Variants in NRXN3 observed in about 807,000 individuals in gnomAD.
The protein encoded by NRXN3 is neurexin 3.
A neutral mutation model predicts 137.6 loss-of-function variants in NRXN3; 32 were observed. The observed-to-expected ratio is 0.23, with a 90% CI of 0.18 to 0.31. NRXN3 has a LOEUF of 0.31. Ranked by LOEUF, NRXN3 falls within the 10% of genes least tolerant of loss-of-function variation. The pLI is 1.00. For synonymous variants in NRXN3, 798 were observed against 784.5 expected (o/e 1.02, Z -0.29); for missense variants, 1,574 against 2,062.5 (o/e 0.76, Z 4.59).
intron 16 of NRXN3, among the ~76,000 whole-genome samples, chr14:79,469,100 C>T (rs557183198): frequency 6.6e-6 from 1 of 152,152 alleles, no homozygotes; most frequent in South Asian, 2.1e-4. Flanking sequence ...GCTGTTATTA[C>T]CAGCTCACTT....
chr14:79,795,899 T>C (rs747746273), intron 19 of NRXN3, among the ~76,000 whole-genome samples: 1 of 152,302 alleles, frequency 6.6e-6, no homozygotes, highest in Middle Eastern at 3.4e-3. Context: ...TGCATCTCTT[T>C]CTTAGAGGGA....
intron 16 of NRXN3, among the ~76,000 whole-genome samples, chr14:79,567,354 G>A (rs1013988086): frequency 2.6e-5 from 4 of 151,900 alleles, no homozygotes; most frequent in Admixed American, 6.6e-5. Context: ...CTGACCTCCG[G>A]ACACAAGACC....
chr14:78,448,902 G>A (rs1310991192), intron 4 of NRXN3, among the ~76,000 whole-genome samples: 7 of 152,144 alleles, frequency 4.6e-5, no homozygotes, highest in Non-Finnish European at 1.5e-5. Context: ...GAAGGTTCCC[G>A]CTGAGATGGG....
intron 4 of NRXN3, among the ~76,000 whole-genome samples, chr14:78,389,568 A>G (rs2090481806): frequency 6.6e-6 from 1 of 152,032 alleles, no homozygotes; most frequent in Admixed American, 6.6e-5. Context: ...TATGTCATAG[A>G]CCTATTATTT....
chr14:78,397,351 TTC>T (rs199952760), intron 4 of NRXN3, among the ~76,000 whole-genome samples: 3,035 of 150,228 alleles, frequency 0.02, 91 homozygotes, highest in African/African-American at 0.064. Context: ...ATTCACCTTC[TTC>T]TCTTTTCTTG....
At chr14:79,349,342 C>T (rs2093073755) in intron 15 of NRXN3, among the ~76,000 whole-genome samples, 1 of 151,674 alleles carries the variant, frequency 6.6e-6, no homozygotes, top group South Asian at 2.1e-4. Context: ...TAGTGACCAC[C>T]ATAGAGGGGA....
intron 16 of NRXN3, among the ~76,000 whole-genome samples, chr14:79,617,930 A>AAAAAAAAAAAAAAAAAAG (rs1385000688): frequency 9.4e-5 from 14 of 148,732 alleles, no homozygotes; most frequent in African/African-American, 3.4e-4. Flanking sequence ...AAAAAAAAAA[A>AAAAAAAAAAAAAAAAAAG]AACATGCTTA....
intron 4 of NRXN3, among the ~76,000 whole-genome samples, chr14:78,396,546 A>T (rs2091476554): frequency 6.6e-6 from 1 of 152,158 alleles, no homozygotes; most frequent in African/African-American, 2.4e-5. Flanking sequence ...GTTTTCTTTC[A>T]TCTGAAAATA....
chr14:78,627,533 G>C (rs921473490), intron 4 of NRXN3, among the ~76,000 whole-genome samples: 7 of 152,188 alleles, frequency 4.6e-5, no homozygotes, highest in Non-Finnish European at 8.8e-5. Context: ...GACGTTGATG[G>C]AAATGTGAAT....
intron 4 of NRXN3, among the ~76,000 whole-genome samples, chr14:78,540,435 C>CTTTTTTT (rs537566835): frequency 3.4e-5 from 4 of 116,606 alleles, no homozygotes; most frequent in Non-Finnish European, 6.9e-5. Context: ...GCAACCCCTG[C>CTTTTTTT]TTTTTTTTTT....
intron 16 of NRXN3, among the ~76,000 whole-genome samples, chr14:79,587,906 A>C (rs2097774701): frequency 6.6e-6 from 1 of 152,176 alleles, no homozygotes; most frequent in South Asian, 2.1e-4. Context: ...AAATTCCCTA[A>C]ATTATATTTG....
intron 4 of NRXN3, among the ~76,000 whole-genome samples, chr14:78,587,615 AATTTTCAG>A (rs1441651620): frequency 2.0e-5 from 3 of 152,214 alleles, no homozygotes; most frequent in African/African-American, 7.2e-5. Context: ...TGCTAAGAGA[AATTTTCAG>A]ATTTTATCCC....
At chr14:79,359,435 C>CATT (rs1336424868) in intron 15 of NRXN3, among the ~76,000 whole-genome samples, 3 of 152,080 alleles carry the variant, frequency 2.0e-5, no homozygotes, top group African/African-American at 7.2e-5. Flanking sequence ...TAATAATTAG[C>CATT]ATTATAGTAC....
intron 2 of NRXN3, among the ~76,000 whole-genome samples, chr14:78,263,366 A>G (rs2071107797): frequency 1.3e-5 from 2 of 152,168 alleles, no homozygotes; most frequent in South Asian, 2.1e-4. Context: ...CTCTGAGACC[A>G]TATAATTTAT....
At chr14:79,739,911 T>C (rs2098955276) in intron 19 of NRXN3, among the ~76,000 whole-genome samples, 1 of 152,192 alleles carries the variant, frequency 6.6e-6, no homozygotes, top group Non-Finnish European at 1.5e-5. Flanking sequence ...TTTTCCATGC[T>C]ATCACTTGCA....
chr14:79,713,677 T>C (rs980412460), intron 19 of NRXN3, among the ~76,000 whole-genome samples: 7 of 148,402 alleles, frequency 4.7e-5, no homozygotes, highest in Non-Finnish European at 9.0e-5. Context: ...GTACCACCAA[T>C]TCCCTCTCTA....
At chr14:78,632,015 G>C (rs1224363689) in intron 4 of NRXN3, among the ~76,000 whole-genome samples, 1 of 151,652 alleles carries the variant, frequency 6.6e-6, no homozygotes, top group Non-Finnish European at 1.5e-5. Context: ...TCAGGCGGCT[G>C]AGGCAGGAGA....
rs1031736597 is a variant in NRXN3, at chr14:79,862,668, A to G, written c.*704A>G. The G allele has an allele frequency of 1.3e-5, 2 of 152,642 alleles. No individual in the cohort carries two copies. Among genetic ancestry groups the G allele is most frequent in the African/African-American group, 2.4e-5 (1 of 41,446 alleles). The allele number at this position is 152,642 out of a possible 1,614,324, so 9.5% of individuals were successfully genotyped here. On this transcript the variant is annotated 3_prime_UTR_variant, in exon 21 of 21. Coordinates refer to ENST00000335750, the MANE Select transcript of NRXN3 (RefSeq NM_001330195.2). ...CTATTGCCATATGAACTCAAAAGCT[A>G]TCATGGTGTTCACTCTACATATCAG...
intron 16 of NRXN3, among the ~76,000 whole-genome samples, chr14:79,579,640 T>C (rs2097696826): frequency 6.6e-6 from 1 of 152,004 alleles, no homozygotes; most frequent in African/African-American, 2.4e-5. Context: ...TTGACAAGAT[T>C]TGTTTGTGGA....
Sources: allele counts gnomAD v4.1 joint callset (sites outside exome capture counted in the v4.1 genomes callset), GRCh38; gene constraint gnomAD v4.1.1; transcripts MANE v1.5; gene names NCBI Gene and HGNC (gene_info 2026-07-23, HGNC 2026-07-21).